SLC27A4: variants seen among roughly 807,000 people sequenced by gnomAD.
SLC27A4 encodes the protein solute carrier family 27 member 4.
Under a neutral mutation model 64.4 loss-of-function variants are expected in SLC27A4, and 33 were observed. The ratio of observed to expected loss-of-function variants is 0.51; its 90% CI spans 0.39 to 0.68. The LOEUF (loss-of-function observed/expected upper bound fraction) is 0.68. Among genes scored for constraint, SLC27A4 ranks in the 30% least tolerant of loss-of-function variants. The probability of loss-of-function intolerance (pLI) is 0.00; values close to 1 mark genes in which losing one functional copy is unlikely to be tolerated. For synonymous variants in SLC27A4, 377 were observed against 370.0 expected (o/e 1.02, Z -0.22); for missense variants, 824 against 883.5 (o/e 0.93, Z 0.85).
chr9:128,348,274 T>C (rs1294301229), intron 3 of SLC27A4, among the ~76,000 whole-genome samples: 1 of 152,174 alleles, frequency 6.6e-6, no homozygotes, highest in African/African-American at 2.4e-5. Flanking sequence ...AGCGTCAATC[T>C]TCTCATCTGT....
rs1174837326 is a variant in SLC27A4 at position 128,352,663 on chromosome 9, C to G, written c.903C>G (p.Cys301Trp). 6.2e-7 allele frequency: 1 copy of G among 1,614,030 alleles called. No individual in the cohort carries two copies. The highest frequency in any genetic ancestry group is 1.3e-5 in the African/African-American group (1 of 74,936). ...SAGNIVGIGQCLLHGMTVVIR... is the reference protein window; with the variant it reads ...SAGNIVGIGQWLLHGMTVVIR... ...GAAACATCGTGGGAATCGGCCAGTG[C>G]CTGCTGCATGGCATGACGGTGGTGA... The change falls in exon 7 of 13, where the codon TGC (cysteine) becomes TGG (tryptophan). Residue 301 changes from cysteine (C) to tryptophan (W), a missense_variant. Transcript: ENST00000300456.
chr9:128,357,244 A>G (rs572691826), intron 12 of SLC27A4, among the ~76,000 whole-genome samples: 3 of 147,372 alleles, frequency 2.0e-5, no homozygotes, highest in Admixed American at 2.0e-4. Context: ...CCTGGGAGAC[A>G]GAGTGAGACT....
intron 9 of SLC27A4, among the ~76,000 whole-genome samples, chr9:128,354,047 A>T (rs1219567924): frequency 6.6e-6 from 1 of 151,538 alleles, no homozygotes; most frequent in African/African-American, 2.4e-5. Context: ...CCGGCCAAGC[A>T]ATTCTCTTTT....
Position 128,340,671 on chromosome 9 carries a change from G to T in SLC27A4, c.-174G>T. The stretch of plus-strand genomic sequence containing the variant: ...GGAGCGCGGCGGGCGGGGCCGGGCG[G>T]CGGGCGGGGCTGGCGGGGCGGCCGG... On this transcript the variant is annotated 5_prime_UTR_variant, in exon 1 of 13. Coordinates refer to ENST00000300456, the MANE Select transcript of SLC27A4 (RefSeq NM_005094.4). 1 of 365,004 alleles carries T rather than the reference G, an allele frequency of 2.7e-6. No individual in the cohort carries two copies. 22.6% of individuals were successfully genotyped at this position (365,004 alleles called of 1,614,324 possible).
In SLC27A4 at chr9:128,340,552, G is replaced by T. The variant is rs1588551356; in HGVS notation, c.-293G>T. 5.3e-6 allele frequency: 1 copy of T among 189,172 alleles called. No individual in the cohort carries two copies. Among genetic ancestry groups the T allele is most frequent in the East Asian group, 1.4e-4 (1 of 7,078 alleles). The allele number at this position is 189,172 out of a possible 1,614,324, so 11.7% of individuals were successfully genotyped here. A position where few individuals can be genotyped will look rare whatever the true frequency, so the allele number is the denominator to read the frequency against. On this transcript the variant is annotated 5_prime_UTR_variant, in exon 1 of 13. Transcript: ENST00000300456. ...AGGCGCGCTGGGGCTGCGCTGCGCC[G>T]CCGGCTCTGTGGCTTGCCGGCTTCG... is the stretch of plus-strand genomic sequence containing the variant.
chr9:128,352,194 CA>C (rs71495688), intron 6 of SLC27A4, among the ~76,000 whole-genome samples: 4,856 of 92,418 alleles, frequency 0.053, 195 homozygotes, highest in African/African-American at 0.15. Context: ...GACTCCGTCT[CA>C]AAAAAAAAAA....
chr9:128,358,909 C>T (rs562659104), intron 12 of SLC27A4, among the ~76,000 whole-genome samples: 2 of 152,224 alleles, frequency 1.3e-5, no homozygotes, highest in Non-Finnish European at 2.9e-5. Flanking sequence ...GTGGAAGATG[C>T]AAGGTCCCCC....
At chr9:128,355,374 C>G (rs753633006) in intron 10 of SLC27A4, 24 bp from the exon 11 acceptor site, 1 of 1,613,166 alleles carries the variant, frequency 6.2e-7, no homozygotes, top group Non-Finnish European at 8.5e-7. Flanking sequence ...AGGCCCAGCC[C>G]TGCCTCATCC....
intron 6 of SLC27A4, among the ~76,000 whole-genome samples, chr9:128,351,220 C>T (rs566401752): frequency 1.9e-3 from 282 of 149,598 alleles, no homozygotes; most frequent in Non-Finnish European, 2.7e-3. Context: ...GCTGAGATCA[C>T]GCCACTGCAT....
chr9:128,343,424 G>A, intron 2 of SLC27A4, 131 bp downstream of exon 2: 1 of 1,051,260 alleles, frequency 9.5e-7, no homozygotes, highest in South Asian at 1.3e-5. Context: ...CAGAACAGCA[G>A]CCTCTGCTCC....
chr9:128,347,023 C>G (rs769218031), intron 3 of SLC27A4, among the ~76,000 whole-genome samples: 4 of 152,082 alleles, frequency 2.6e-5, no homozygotes, highest in African/African-American at 4.8e-5. Flanking sequence ...AGATACTTAC[C>G]TGAAGCACTA....
rs763282279 is a variant in SLC27A4, at chr9:128,353,509, G to A, written c.1292G>A (p.Gly431Glu). Residue 431 changes from glycine to glutamate, a missense_variant, in exon 9 of 13, where the codon GGG (glycine) becomes GAG (glutamate). By Grantham distance (98) the Gly-to-Glu change is moderately conservative. Transcript: ENST00000300456. The surrounding 1 kb of genome is among the most constrained non-coding windows in gnomAD (Gnocchi z 4.9). ...VNEDTMELIRGPDGVCIPCQP... is the reference protein window; with the variant it reads ...VNEDTMELIREPDGVCIPCQP... ...GAGGACACCATGGAGCTGATCCGGG[G>A]GCCCGACGGCGTCTGCATTCCCTGC... The A allele has an allele frequency of 1.9e-6, 3 of 1,614,092 alleles. No homozygotes were observed. Among genetic ancestry groups the A allele is most frequent in the Non-Finnish European group, 2.5e-6 (3 of 1,180,022 alleles).
chr9:128,345,316 A>G lies in SLC27A4; in HGVS notation c.323A>G (p.Asp108Gly). ...ACCCACTGGACCTTCCGCCAGCTGG[A>G]TGAGTACTCAAGCAGTGTAGCCAAC... ...TDTHWTFRQL[D>G]EYSSSVANFL... The change falls in exon 3 of 13, where the codon GAT becomes GGT. Residue 108 changes from aspartate (D) to glycine (G), a missense_variant. Asp to Gly is a moderately conservative substitution (Grantham distance 94). Coordinates refer to ENST00000300456, the MANE Select transcript of SLC27A4 (RefSeq NM_005094.4). The surrounding 1 kb of genome is among the most constrained non-coding windows in gnomAD (Gnocchi z 4.1). 1 of 1,613,750 alleles carries G rather than the reference A, an allele frequency of 6.2e-7. No homozygotes were observed. The highest frequency in any genetic ancestry group is 8.5e-7 in the Non-Finnish European group (1 of 1,179,998).
intron 6 of SLC27A4, among the ~76,000 whole-genome samples, 179 bp downstream of exon 6, chr9:128,350,754 G>A (rs1358068019): frequency 6.6e-6 from 1 of 152,132 alleles, no homozygotes; most frequent in Non-Finnish European, 1.5e-5. Context: ...CCAGGAGTTC[G>A]AGACCAGCCT....
Position 128,345,189 on chromosome 9 carries a change from G to A in SLC27A4, c.196G>A (p.Val66Met). 6.2e-7 allele frequency: 1 copy of A among 1,613,502 alleles called. No homozygotes were observed. The highest frequency in any genetic ancestry group is 8.5e-7 in the Non-Finnish European group (1 of 1,180,026). The part of the protein sequence containing the change: ...GLVLLKVKAK[V>M]RQCLQERRTV... ...GGTCCTCCTGAAGGTGAAGGCAAAG[G>A]TGCGACAGTGCCTGCAGGAGCGGCG... Residue 66 changes from valine (V) to methionine (M), a missense_variant, in exon 3 of 13, where the codon GTG (valine) becomes ATG (methionine). Transcript: ENST00000300456. This position sits in a 1 kb window ranked among gnomAD's most constrained non-coding sequence, Gnocchi z 4.1.
At position 128,360,465 on chromosome 9, in the gene SLC27A4, A is replaced by C. The variant is rs376538306; in HGVS notation, c.1906A>C (p.Ile636Leu). Residue 636 changes from isoleucine (I) to leucine (L), a missense_variant, in exon 13 of 13, where the codon ATC becomes CTC. Coordinates refer to ENST00000300456, the MANE Select transcript of SLC27A4 (RefSeq NM_005094.4). ...GCTGGACCAAGAGGCCTACAGCCGC[A>C]TCCAGGCAGGCGAGGAGAAGCTGTG... ...VPLDQEAYSRIQAGEEKL is the reference protein window; with the variant it reads ...VPLDQEAYSRLQAGEEKL The C allele has an allele frequency of 1.1e-5, 17 of 1,613,964 alleles. No individual in the cohort carries two copies. The highest frequency in any genetic ancestry group is 1.4e-5 in the Non-Finnish European group (17 of 1,180,032).
chr9:128,343,276 C>T lies in SLC27A4; in HGVS notation c.144C>T (p.Thr48=), dbSNP rs747605541. ...GCTTCATCCGGGTCTTCATCAAGAC[C>T]ATCAGGCGCGATATCTTGTGAGTAC... ...GWRFIRVFIK[T]IRRDIFGGLV... Residue 48 remains threonine, a synonymous_variant, in exon 2 of 13, where the codon ACC becomes ACT. Coordinates refer to ENST00000300456, the MANE Select transcript of SLC27A4 (RefSeq NM_005094.4). The T allele has an allele frequency of 2.1e-5, 34 of 1,614,052 alleles. No homozygotes were observed. In the South Asian group the frequency reaches 3.5e-4, roughly 17 times the overall value.
intron 1 of SLC27A4, 101 bp from the exon 2 acceptor site, chr9:128,343,026 G>A: frequency 2.0e-6 from 3 of 1,464,272 alleles, no homozygotes; most frequent in Non-Finnish European, 2.8e-6. Context: ...CCTTACCACA[G>A]GCTGTCCCCT....
At chr9:128,358,536 T>A (rs971333839) in intron 12 of SLC27A4, among the ~76,000 whole-genome samples, 4 of 152,244 alleles carry the variant, frequency 2.6e-5, no homozygotes, top group South Asian at 2.1e-4. Context: ...CTTTGCCTCC[T>A]GGGTTCAAGT....
Sources: allele counts gnomAD v4.1 joint callset (sites outside exome capture counted in the v4.1 genomes callset), GRCh38; gene constraint gnomAD v4.1.1; non-coding constraint Gnocchi (gnomAD v3.1); transcripts MANE v1.5; gene names NCBI Gene and HGNC (gene_info 2026-07-23, HGNC 2026-07-21).